Variants in DYNLL1 observed in about 807,000 individuals in gnomAD.
DYNLL1 encodes the protein dynein light chain 1, cytoplasmic.
A neutral mutation model predicts 10.1 loss-of-function variants in DYNLL1; 3 were observed. The ratio of observed to expected loss-of-function variants is 0.30; its 90% CI spans 0.14 to 0.77. The LOEUF (loss-of-function observed/expected upper bound fraction) is 0.77. Among genes scored for constraint, DYNLL1 ranks in the 30% least tolerant of loss-of-function variants. The pLI, the probability that DYNLL1 is intolerant of heterozygous loss-of-function variation, is 0.66. For missense variants in DYNLL1, 47 were observed against 111.7 expected (o/e 0.42, Z 2.61); for synonymous variants, 46 against 41.2 (o/e 1.12, Z -0.45).
intron 1 of DYNLL1, among the ~76,000 whole-genome samples, chr12:120,489,776 C>A (rs913756310): frequency 1.5e-5 from 2 of 135,450 alleles, no homozygotes; most frequent in African/African-American, 5.7e-5. Context: ...GAGGTGGAGT[C>A]TCTCTCTGTC....
intron 1 of DYNLL1, among the ~76,000 whole-genome samples, chr12:120,470,635 T>C (rs1878627428): frequency 6.6e-6 from 1 of 152,178 alleles, no homozygotes; most frequent in Non-Finnish European, 1.5e-5. Flanking sequence ...TTTTCTATTT[T>C]TTTTGTAGAG....
chr12:120,480,307 A>G (rs552155905), intron 1 of DYNLL1, among the ~76,000 whole-genome samples: 74 of 152,298 alleles, frequency 4.9e-4, no homozygotes, highest in African/African-American at 1.7e-3. Context: ...CCACATTCAT[A>G]TGTGTGGATA....
intron 1 of DYNLL1, among the ~76,000 whole-genome samples, chr12:120,480,766 T>TC (rs1203367913): frequency 7.6e-6 from 1 of 132,388 alleles, no homozygotes; most frequent in African/African-American, 3.9e-5. Flanking sequence ...GCATTTTTCT[T>TC]TTTTTTTTTT....
intron 2 of DYNLL1, chr12:120,496,878 G>T (rs556597420): frequency 6.0e-5 from 32 of 530,180 alleles, no homozygotes; most frequent in Non-Finnish European, 8.9e-5. Flanking sequence ...TGTTCCGGAG[G>T]GGGGAGCTGC....
intron 1 of DYNLL1, among the ~76,000 whole-genome samples, chr12:120,481,918 A>C (rs574904765): frequency 6.6e-6 from 1 of 152,210 alleles, no homozygotes; most frequent in African/African-American, 2.4e-5. Flanking sequence ...GCATGATGCT[A>C]GCCCACGGCA....
chr12:120,492,561 C>T (rs1879158238), upstream of DYNLL1, among the ~76,000 whole-genome samples: 1 of 151,544 alleles, frequency 6.6e-6, no homozygotes, highest in South Asian at 2.1e-4. This position sits in a 1 kb window ranked among gnomAD's most constrained non-coding sequence, Gnocchi z 4.1. Flanking sequence ...AGCAAGAGTC[C>T]GTCTCAAAAA....
At position 120,479,465 on chromosome 12, in the gene DYNLL1, AAAAAAT is replaced by A. The variant is rs1186125002; in HGVS notation, c.-7+9364_-7+9369del. 2.6e-3 allele frequency among the ~76,000 whole-genome samples: 323 copies of A among 124,986 alleles called. 1 individual carries two copies. The highest frequency in any genetic ancestry group is 8.4e-3 in the African/African-American group (294 of 35,150). 82.0% of individuals were successfully genotyped at this position (124,986 alleles called of 152,430 possible). A position where few individuals can be genotyped will look rare whatever the true frequency, so the allele number is the denominator to read the frequency against. ...CTCCGTCTCCAAAAAAAAAAAAAAA[AAAAAAT>A]AATAATAATAATAATAATAATAAAA... On this transcript the variant is annotated intron_variant, in intron 1 of 2. Transcript: ENST00000392509.
intron 1 of DYNLL1, chr12:120,490,944 A>G (rs1879111958): frequency 6.6e-6 from 1 of 152,214 alleles, no homozygotes. Flanking sequence ...GTATCATCTC[A>G]CTTAATCCTC....
chr12:120,498,413 T>G lies in DYNLL1; in HGVS notation c.*203T>G. The G allele has an allele frequency of 1.9e-6, 1 of 516,636 alleles. No homozygotes were observed. The highest frequency in any genetic ancestry group is 3.2e-6 in the Non-Finnish European group (1 of 314,020). 32.0% of individuals were successfully genotyped at this position (516,636 alleles called of 1,614,324 possible). On this transcript the variant is annotated 3_prime_UTR_variant, in exon 3 of 3. Transcript: ENST00000242577. ...TTAGCAGAATAGCCTACATTTGTAT[T>G]TATTTTCTATTCCATACTTCTGCCC...
At chr12:120,493,010 C>T (rs1450332976), upstream of DYNLL1, among the ~76,000 whole-genome samples, 1 of 151,920 alleles carries the variant, frequency 6.6e-6, no homozygotes, top group Non-Finnish European at 1.5e-5. Context: ...TGCATAATTC[C>T]AGAGGGCTTG....
At chr12:120,479,449 C>CAAAAA (rs71076617) in intron 1 of DYNLL1, among the ~76,000 whole-genome samples, 114 of 76,044 alleles carry the variant, frequency 1.5e-3, no homozygotes, top group East Asian at 2.7e-3. Flanking sequence ...ACTCCGTCTC[C>CAAAAA]AAAAAAAAAA....
At chr12:120,496,039 C>G (rs1868371849), upstream of DYNLL1, 1 of 348,542 alleles carries the variant, frequency 2.9e-6, no homozygotes, top group Non-Finnish European at 5.4e-6. Flanking sequence ...TAGGGTCGCG[C>G]GGCGAGGGGC....
intron 1 of DYNLL1, among the ~76,000 whole-genome samples, chr12:120,477,241 T>C (rs1878775303): frequency 6.6e-6 from 1 of 152,218 alleles, no homozygotes; most frequent in African/African-American, 2.4e-5. Context: ...GAGCAGGTTT[T>C]TTTTATCTAG....
At chr12:120,492,520 T>C (rs1042146955), upstream of DYNLL1, among the ~76,000 whole-genome samples, 1 of 152,024 alleles carries the variant, frequency 6.6e-6, no homozygotes, top group African/African-American at 2.4e-5. The surrounding 1 kb of genome is among the most constrained non-coding windows in gnomAD (Gnocchi z 4.1). Flanking sequence ...TGAGCTGAGA[T>C]CGCACTACTG....
intron 1 of DYNLL1, among the ~76,000 whole-genome samples, chr12:120,484,762 G>A (rs1284208021): frequency 4.8e-5 from 7 of 145,320 alleles, no homozygotes; most frequent in Non-Finnish European, 9.0e-5. Context: ...TTTTTGAGAC[G>A]GAGTCTCACT....
intron 1 of DYNLL1, among the ~76,000 whole-genome samples, chr12:120,487,029 C>G (rs1310507604): frequency 6.7e-6 from 1 of 149,490 alleles, no homozygotes; most frequent in East Asian, 2.0e-4. Context: ...GGCTGGAGTG[C>G]AATGGCGCCA....
chr12:120,487,493 G>T (rs1015879651), intron 1 of DYNLL1, among the ~76,000 whole-genome samples: 2 of 151,682 alleles, frequency 1.3e-5, no homozygotes, highest in Non-Finnish European at 2.9e-5. Flanking sequence ...GTAGAGACGG[G>T]GTTTCACCGT....
chr12:120,474,854 G>A (rs1013839241), intron 1 of DYNLL1, among the ~76,000 whole-genome samples: 1 of 152,198 alleles, frequency 6.6e-6, no homozygotes, highest in East Asian at 1.9e-4. Flanking sequence ...ACTGGGAAAC[G>A]TGTTCCTGGT....
At chr12:120,494,522 C>G (rs571391901), upstream of DYNLL1, among the ~76,000 whole-genome samples, 3 of 151,840 alleles carry the variant, frequency 2.0e-5, no homozygotes, top group African/African-American at 7.3e-5. Flanking sequence ...GTCATCCACC[C>G]GCCTCGGCCT....
Sources: gnomAD v4.1 joint callset for allele counts (sites outside exome capture counted in the v4.1 genomes callset) on GRCh38, gnomAD v4.1.1 for gene constraint, Gnocchi (gnomAD v3.1) non-coding constraint, MANE v1.5 for transcripts, NCBI Gene and HGNC (gene_info 2026-07-23, HGNC 2026-07-21) for gene names.